ANKRD13C: variants seen among roughly 807,000 people sequenced by gnomAD.
ANKRD13C encodes the protein ankyrin repeat domain 13C, also known as ankyrin repeat domain-containing protein 13C.
Under a neutral mutation model 65.5 loss-of-function variants are expected in ANKRD13C, and 16 were observed. That is an observed-to-expected ratio of 0.24 (90% CI 0.17 to 0.37). The LOEUF (loss-of-function observed/expected upper bound fraction) is 0.37, where lower values mean the gene tolerates loss of function less well. Ranked by LOEUF, ANKRD13C falls within the 10% of genes least tolerant of loss-of-function variation. The pLI is 1.00. For synonymous variants in ANKRD13C, 235 were observed against 238.7 expected (o/e 0.98, Z 0.14); for missense variants, 503 against 655.9 (o/e 0.77, Z 2.55).
intron 4 of ANKRD13C, 131 bp from the exon 5 acceptor site, chr1:70,313,921 C>G: frequency 1.8e-6 from 1 of 542,888 alleles, no homozygotes; most frequent in Non-Finnish European, 3.3e-6. Flanking sequence ...AAAATATGCA[C>G]CTGTATATTT....
intron 8 of ANKRD13C, among the ~76,000 whole-genome samples, chr1:70,294,137 G>A (rs1194402855): frequency 6.6e-6 from 1 of 152,134 alleles, no homozygotes; most frequent in African/African-American, 2.4e-5. Flanking sequence ...AGGAAAAAAA[G>A]CCAGCTGCAA....
rs142373963 is a variant in ANKRD13C, at chr1:70,306,861, A to G, written c.710-571T>C. On this transcript the variant is annotated intron_variant, in intron 5 of 12. Coordinates refer to ENST00000370944, the MANE Select transcript of ANKRD13C (RefSeq NM_030816.5). ...TCTACATTCCTATGTTGCTATCTAT[A>G]GCTCATATACATGCCACAAGCCATA... 2.6e-3 allele frequency among the ~76,000 whole-genome samples: 392 copies of G among 152,336 alleles called. 11 individuals carry two copies. Among genetic ancestry groups the G allele is most frequent in the Admixed American group, 0.024 (368 of 15,302 alleles).
intron 2 of ANKRD13C, among the ~76,000 whole-genome samples, chr1:70,334,203 T>C (rs1391129184): frequency 6.6e-6 from 1 of 151,600 alleles, no homozygotes; most frequent in Non-Finnish European, 1.5e-5. Context: ...CATGTGCATC[T>C]AGTCCTTGCT....
intron 5 of ANKRD13C, among the ~76,000 whole-genome samples, chr1:70,312,871 G>A (rs1475020254): frequency 1.3e-5 from 2 of 151,870 alleles, no homozygotes; most frequent in African/African-American, 4.8e-5. Context: ...TTAAAATGAG[G>A]AGAAAAACCT....
At chr1:70,346,862 C>A (rs185238570) in intron 1 of ANKRD13C, among the ~76,000 whole-genome samples, 3 of 152,112 alleles carry the variant, frequency 2.0e-5, no homozygotes, top group South Asian at 2.1e-4. Flanking sequence ...GAGGTCCAGG[C>A]GGGTGGATCA....
At chr1:70,314,683 A>G (rs1680998328) in intron 4 of ANKRD13C, among the ~76,000 whole-genome samples, 1 of 151,938 alleles carries the variant, frequency 6.6e-6, no homozygotes, top group African/African-American at 2.4e-5. Context: ...TTAATAGTAG[A>G]TATCATTGCA....
intron 6 of ANKRD13C, among the ~76,000 whole-genome samples, chr1:70,302,255 C>A (rs912596704): frequency 1.3e-5 from 2 of 151,214 alleles, no homozygotes; most frequent in Non-Finnish European, 1.5e-5. Flanking sequence ...AGTATGGTTG[C>A]CTTATGTATC....
At chr1:70,269,069 TATCCC>T (rs1242232372) in intron 12 of ANKRD13C, among the ~76,000 whole-genome samples, 3 of 142,122 alleles carry the variant, frequency 2.1e-5, no homozygotes, top group Non-Finnish European at 4.5e-5. Context: ...TTTTATAATT[TATCCC>T]AGTTGTGTTT....
chr1:70,260,614 T>A lies in ANKRD13C; in HGVS notation c.*2103A>T, dbSNP rs915274503. 2 of 152,150 alleles carry A rather than the reference T, an allele frequency of 1.3e-5. No homozygotes were observed. The highest frequency in any genetic ancestry group is 2.9e-5 in the Non-Finnish European group (2 of 67,972). 9.4% of individuals were successfully genotyped at this position (152,150 alleles called of 1,614,324 possible). A position where few individuals can be genotyped will look rare whatever the true frequency, so the allele number is the denominator to read the frequency against. On this transcript the variant is annotated 3_prime_UTR_variant, in exon 13 of 13. Transcript: ENST00000370944. The stretch of plus-strand genomic sequence containing the variant: ...TCATTAAAAGTAATACTGTGAAAAG[T>A]TTATTTGCATCGATTAATTCCTTTT...
intron 10 of ANKRD13C, among the ~76,000 whole-genome samples, chr1:70,275,918 G>A (rs1449225965): frequency 9.1e-5 from 12 of 132,382 alleles, no homozygotes; most frequent in African/African-American, 1.8e-4. Context: ...CTGAGATCAC[G>A]CCCACTGCAC....
chr1:70,288,436 A>G (rs1318347033), intron 9 of ANKRD13C, among the ~76,000 whole-genome samples: 1 of 152,226 alleles, frequency 6.6e-6, no homozygotes, highest in Non-Finnish European at 1.5e-5. Context: ...ACAAAAACTT[A>G]TATGTGAATG....
chr1:70,308,284 C>T (rs1680673608), intron 5 of ANKRD13C, among the ~76,000 whole-genome samples: 1 of 152,092 alleles, frequency 6.6e-6, no homozygotes, highest in African/African-American at 2.4e-5. Flanking sequence ...GCACAAGCCA[C>T]CATACCCAGC....
intron 5 of ANKRD13C, among the ~76,000 whole-genome samples, chr1:70,309,052 T>C (rs1228006130): frequency 6.6e-6 from 1 of 151,520 alleles, no homozygotes; most frequent in Non-Finnish European, 1.5e-5. Flanking sequence ...CTTTCCTTTT[T>C]TTTTTTTTTA....
chr1:70,338,210 C>T (rs1044673373), intron 1 of ANKRD13C, among the ~76,000 whole-genome samples: 2 of 152,160 alleles, frequency 1.3e-5, no homozygotes, highest in Non-Finnish European at 2.9e-5. Context: ...CTCATGAAGA[C>T]ATTAAAGAAA....
At chr1:70,331,477 A>G (rs1311442100) in intron 2 of ANKRD13C, among the ~76,000 whole-genome samples, 1 of 152,054 alleles carries the variant, frequency 6.6e-6, no homozygotes, top group Non-Finnish European at 1.5e-5. Flanking sequence ...CTAAAGGTAC[A>G]GTGTATCTTA....
At chr1:70,318,344 C>T (rs1426519550) in intron 3 of ANKRD13C, among the ~76,000 whole-genome samples, 2 of 152,160 alleles carry the variant, frequency 1.3e-5, no homozygotes, top group African/African-American at 2.4e-5. Flanking sequence ...CCTCCTTCTC[C>T]GACTGAAGTT....
intron 1 of ANKRD13C, among the ~76,000 whole-genome samples, chr1:70,349,989 C>G (rs567111922): frequency 2.0e-4 from 30 of 151,980 alleles, no homozygotes; most frequent in African/African-American, 6.8e-4. Flanking sequence ...TACAAAAATA[C>G]AAAAATTAGC....
intron 4 of ANKRD13C, 104 bp from the exon 5 acceptor site, chr1:70,313,894 A>G (rs1176766324): frequency 1.4e-6 from 1 of 730,004 alleles, no homozygotes; most frequent in South Asian, 2.0e-5. Flanking sequence ...ATGCATTACT[A>G]TACTTAATTA....
At chr1:70,310,131 A>C (rs1242796237) in intron 5 of ANKRD13C, among the ~76,000 whole-genome samples, 2 of 152,196 alleles carry the variant, frequency 1.3e-5, no homozygotes, top group Non-Finnish European at 2.9e-5. Context: ...AGTTACCTTC[A>C]AACTTGTTAC....
Sources: gnomAD v4.1 joint callset for allele counts (sites outside exome capture counted in the v4.1 genomes callset) on GRCh38, gnomAD v4.1.1 for gene constraint, MANE v1.5 for transcripts, NCBI Gene and HGNC (gene_info 2026-07-23, HGNC 2026-07-21) for gene names.